Variants in WWC2 observed in about 807,000 individuals in gnomAD.
WWC2 encodes the protein protein WWC2.
Under a neutral mutation model 138.5 loss-of-function variants are expected in WWC2, and 101 were observed. The ratio of observed to expected loss-of-function variants is 0.73; its 90% confidence interval spans 0.62 to 0.86. WWC2 has a LOEUF of 0.86. Ranked by LOEUF, WWC2 falls within the 40% of genes least tolerant of loss-of-function variation. WWC2 has a pLI of 0.00. For missense variants in WWC2, 1,420 were observed against 1,419.4 expected (o/e 1.00, Z -0.01); for synonymous variants, 558 against 538.4 (o/e 1.04, Z -0.50).
intron 7 of WWC2, among the ~76,000 whole-genome samples, chr4:183,249,227 T>C (rs1736897129): frequency 6.6e-6 from 1 of 152,196 alleles, no homozygotes; most frequent in South Asian, 2.1e-4. Flanking sequence ...AAAACATGCC[T>C]TTTAAGACTA....
chr4:183,281,021 G>A lies in WWC2; in HGVS notation c.2684+124G>A, dbSNP rs942488106. The stretch of plus-strand genomic sequence containing the variant: ...ATGGAATGCACTGCACCTTCAGGAA[G>A]CTGTGCTAGGAAAAGTCTTTCCTTG... On this transcript the variant is annotated intron_variant, in intron 17 of 22. Transcript: ENST00000403733. 5.1e-6 allele frequency: 7 copies of A among 1,366,006 alleles called. No homozygotes were observed. In the African/African-American group the frequency reaches 1.1e-4, roughly 21 times the overall value. 84.6% of individuals were successfully genotyped at this position (1,366,006 alleles called of 1,614,324 possible). A position where few individuals can be genotyped will look rare whatever the true frequency, so the allele number is the denominator to read the frequency against.
intron 4 of WWC2, among the ~76,000 whole-genome samples, chr4:183,231,633 A>G (rs187301300): frequency 6.4e-4 from 98 of 152,250 alleles, no homozygotes; most frequent in African/African-American, 2.2e-3. Context: ...TCAACGAGGA[A>G]TGAGTGCTAC....
At chr4:183,109,095 G>A (rs190531772) in intron 1 of WWC2, among the ~76,000 whole-genome samples, 1 of 152,194 alleles carries the variant, frequency 6.6e-6, no homozygotes, top group African/African-American at 2.4e-5. Context: ...GATTTTCTTT[G>A]GTGGAAGCAT....
intron 1 of WWC2, among the ~76,000 whole-genome samples, chr4:183,169,369 C>T (rs1158375136): frequency 2.6e-5 from 4 of 152,146 alleles, no homozygotes; most frequent in African/African-American, 4.8e-5. Context: ...ACACATTTAT[C>T]GAAGACTGGA....
chr4:183,101,159 C>T (rs1743168547), intron 1 of WWC2, among the ~76,000 whole-genome samples: 1 of 152,156 alleles, frequency 6.6e-6, no homozygotes, highest in Non-Finnish European at 1.5e-5. Flanking sequence ...ATTGAAATAA[C>T]AATAAATTCT....
chr4:183,294,883 G>A lies in WWC2; in HGVS notation c.3384+5248G>A, dbSNP rs75523713. Among the ~76,000 whole-genome samples, 882 of 152,104 alleles carry A rather than the reference G, an allele frequency of 5.8e-3. 9 individuals carry two copies. Among genetic ancestry groups the A allele is most frequent in the African/African-American group, 0.02 (818 of 41,468 alleles). ...TTTCTCCTACACTAAAGAAATGTTT[G>A]GATTTGCTCTAGGTAAAGTAGATGT... On this transcript the variant is annotated intron_variant, in intron 21 of 22. Transcript: ENST00000403733.
intron 1 of WWC2, among the ~76,000 whole-genome samples, chr4:183,103,678 G>A (rs1179595317): frequency 2.8e-5 from 4 of 140,924 alleles, no homozygotes; most frequent in East Asian, 2.1e-4. Context: ...TTGCTGTGTC[G>A]CCAGACTGGA....
chr4:183,247,754 AAT>A (rs993367221), intron 6 of WWC2, among the ~76,000 whole-genome samples: 18 of 140,556 alleles, frequency 1.3e-4, no homozygotes, highest in Middle Eastern at 4.0e-3. Flanking sequence ...TATACTACAT[AAT>A]ATATATATAA....
chr4:183,153,658 T>G (rs1291166657), intron 1 of WWC2, among the ~76,000 whole-genome samples: 1 of 151,218 alleles, frequency 6.6e-6, no homozygotes, highest in East Asian at 1.9e-4. Context: ...TTTTTTTTTT[T>G]TTTTGGTAAG....
chr4:183,144,732 T>G (rs930467580), intron 1 of WWC2, among the ~76,000 whole-genome samples: 2 of 152,226 alleles, frequency 1.3e-5, no homozygotes, highest in African/African-American at 4.8e-5. Context: ...TCATACTCAT[T>G]GTTTATAACA....
At chr4:183,188,558 T>G (rs1245304620) in intron 1 of WWC2, among the ~76,000 whole-genome samples, 1 of 152,058 alleles carries the variant, frequency 6.6e-6, no homozygotes, top group Non-Finnish European at 1.5e-5. Flanking sequence ...TATTCTGATA[T>G]CTAATGTTTG....
intron 21 of WWC2, among the ~76,000 whole-genome samples, 154 bp downstream of exon 21, chr4:183,289,789 CTTTT>C: frequency 7.1e-6 from 1 of 140,468 alleles, no homozygotes; most frequent in South Asian, 2.3e-4. Context: ...GTTATAGGCC[CTTTT>C]TTTTTTTTTT....
intron 4 of WWC2, among the ~76,000 whole-genome samples, chr4:183,225,401 A>G (rs1183802921): frequency 2.0e-5 from 3 of 152,238 alleles, no homozygotes; most frequent in African/African-American, 7.2e-5. Flanking sequence ...GTGTAAGGAT[A>G]TCTCTTTGCC....
intron 21 of WWC2, among the ~76,000 whole-genome samples, chr4:183,301,133 A>G (rs1738826990): frequency 6.6e-6 from 1 of 152,140 alleles, no homozygotes; most frequent in African/African-American, 2.4e-5. Context: ...TAGCAGCAAA[A>G]TTTTTAGTAT....
chr4:183,320,282 T>G lies in WWC2; in HGVS notation c.*4553T>G. 1 of 1,404,386 alleles carries G rather than the reference T, an allele frequency of 7.1e-7. No homozygotes were observed. Among genetic ancestry groups the G allele is most frequent in the Non-Finnish European group, 9.8e-7 (1 of 1,019,606 alleles). 87.0% of individuals were successfully genotyped at this position (1,404,386 alleles called of 1,614,324 possible). On this transcript the variant is annotated 3_prime_UTR_variant, in exon 23 of 23. Coordinates refer to ENST00000403733, the MANE Select transcript of WWC2 (RefSeq NM_024949.6). Reference sequence around the variant, plus strand: ...CCTTCGGTTGCTGTGAAAAGAAGTGTGACACTTGTGTTATAACTTATGAAA... The same window carrying G: ...CCTTCGGTTGCTGTGAAAAGAAGTGGGACACTTGTGTTATAACTTATGAAA...
intron 9 of WWC2, among the ~76,000 whole-genome samples, chr4:183,258,136 T>C (rs530864673): frequency 6.6e-6 from 1 of 152,322 alleles, no homozygotes; most frequent in South Asian, 2.1e-4. Context: ...GTTTTAAAAC[T>C]TCCTTCCGAA....
intron 1 of WWC2, among the ~76,000 whole-genome samples, chr4:183,149,647 T>G (rs997314438): frequency 6.6e-6 from 1 of 151,506 alleles, no homozygotes; most frequent in Admixed American, 6.6e-5. Flanking sequence ...TCTTTAAGTA[T>G]TTTTTTAATC....
chr4:183,249,876 T>G, intron 7 of WWC2, 44 bp from the exon 8 acceptor site: 10 of 1,507,904 alleles, frequency 6.6e-6, no homozygotes, highest in Non-Finnish European at 9.2e-6. Context: ...ACTTCATTCA[T>G]TAGCAGAGTT....
At chr4:183,118,324 C>T (rs977766356) in intron 1 of WWC2, among the ~76,000 whole-genome samples, 3 of 152,322 alleles carry the variant, frequency 2.0e-5, no homozygotes, top group East Asian at 3.9e-4. Context: ...AGTGTACAGG[C>T]AGTCACTAAA....
Sources: gnomAD v4.1 joint callset for allele counts (sites outside exome capture counted in the v4.1 genomes callset) on GRCh38, gnomAD v4.1.1 for gene constraint, MANE v1.5 for transcripts, NCBI Gene and HGNC (gene_info 2026-07-23, HGNC 2026-07-21) for gene names.